SLC24A2: variants seen among roughly 807,000 people sequenced by gnomAD.
The protein encoded by SLC24A2 is sodium/potassium/calcium exchanger 2.
SLC24A2 carries 36 observed loss-of-function variants against 62.0 expected under a neutral mutation model. The ratio of observed to expected loss-of-function variants is 0.58; its 90% confidence interval spans 0.44 to 0.77. The LOEUF (loss-of-function observed/expected upper bound fraction) is 0.77, where lower values mean the gene tolerates loss of function less well. SLC24A2 is among the 30% of genes least tolerant of loss of function. The pLI, the probability that SLC24A2 is intolerant of heterozygous loss-of-function variation, is 0.00. For synonymous variants in SLC24A2, 358 were observed against 294.0 expected (o/e 1.22, Z -2.23); for missense variants, 846 against 817.9 (o/e 1.03, Z -0.42).
At chr9:19,883,722 T>C in the SLC24A2 span, among the ~76,000 whole-genome samples, 65 of 152,244 alleles carry the variant, frequency 4.3e-4, no homozygotes, top group East Asian at 1.2e-3. Flanking sequence ...CCCGCCACCA[T>C]GCCTGGCGAA....
chr9:20,076,144 G>A, the SLC24A2 span, among the ~76,000 whole-genome samples: 3 of 151,880 alleles, frequency 2.0e-5, no homozygotes, highest in Non-Finnish European at 2.9e-5. Context: ...TCACAGATGC[G>A]GAACCTATGG....
intron 6 of SLC24A2, among the ~76,000 whole-genome samples, chr9:19,574,205 A>G (rs1478538832): frequency 6.6e-6 from 1 of 152,244 alleles, no homozygotes; most frequent in Non-Finnish European, 1.5e-5. Context: ...AATACAACTT[A>G]GCACACTCCA....
chr9:19,613,374 C>A (rs570621240), intron 4 of SLC24A2, among the ~76,000 whole-genome samples: 289 of 152,306 alleles, frequency 1.9e-3, no homozygotes, highest in Middle Eastern at 0.01. Context: ...GCTTTAGAAG[C>A]AGTTCAAGAC....
chr9:19,563,735 G>A (rs1398013939), intron 7 of SLC24A2, among the ~76,000 whole-genome samples: 1 of 122,726 alleles, frequency 8.1e-6, no homozygotes, highest in Non-Finnish European at 1.6e-5. Context: ...CAAAACTGTT[G>A]GTTTTTATAA....
At chr9:20,191,178 A>C in the SLC24A2 span, among the ~76,000 whole-genome samples, 1 of 148,692 alleles carries the variant, frequency 6.7e-6, no homozygotes, top group African/African-American at 2.5e-5. Flanking sequence ...TTTTTTTTGC[A>C]GGACAGACAA....
At chr9:19,787,045 A>G in intron 1 of SLC24A2, 26 bp from the exon 2 acceptor site, 1 of 1,361,552 alleles carries the variant, frequency 7.3e-7, no homozygotes, top group Non-Finnish European at 9.5e-7. Context: ...AAACGAGAAT[A>G]AGTAAATCAT....
chr9:20,032,391 T>C, the SLC24A2 span, among the ~76,000 whole-genome samples: 1 of 145,352 alleles, frequency 6.9e-6, no homozygotes, highest in Non-Finnish European at 1.5e-5. Flanking sequence ...GGTTAAATAA[T>C]GAATTATTAA....
the SLC24A2 span, among the ~76,000 whole-genome samples, chr9:19,817,944 G>A: frequency 2.0e-5 from 3 of 151,946 alleles, no homozygotes; most frequent in Non-Finnish European, 4.4e-5. Context: ...TACCCAGGCT[G>A]GTCTTGAACT....
the SLC24A2 span, among the ~76,000 whole-genome samples, chr9:19,805,563 A>C: frequency 1.3e-5 from 2 of 152,114 alleles, no homozygotes; most frequent in African/African-American, 4.8e-5. Context: ...ATGGCCCCAA[A>C]CCTTTGAATA....
At chr9:19,643,870 T>G (rs2118101390) in intron 2 of SLC24A2, among the ~76,000 whole-genome samples, 1 of 152,358 alleles carries the variant, frequency 6.6e-6, no homozygotes, top group East Asian at 1.9e-4. Context: ...AATCCACAGA[T>G]TCAATAGAAT....
chr9:20,194,762 T>C, the SLC24A2 span, among the ~76,000 whole-genome samples: 185 of 152,232 alleles, frequency 1.2e-3, 1 homozygote, highest in African/African-American at 4.3e-3. Flanking sequence ...TCCACATTTC[T>C]ATTTGATTAT....
chr9:20,141,478 T>C, the SLC24A2 span, among the ~76,000 whole-genome samples: 1 of 152,110 alleles, frequency 6.6e-6, no homozygotes, highest in African/African-American at 2.4e-5. Context: ...TGGTCTCATA[T>C]TTCACTTCTG....
chr9:19,951,034 T>C, the SLC24A2 span, among the ~76,000 whole-genome samples: 1 of 152,216 alleles, frequency 6.6e-6, no homozygotes, highest in Non-Finnish European at 1.5e-5. Context: ...TTAAGTTCTC[T>C]GGATGATCTT....
chr9:20,092,902 G>T, the SLC24A2 span, among the ~76,000 whole-genome samples: 4 of 152,152 alleles, frequency 2.6e-5, no homozygotes, highest in Non-Finnish European at 4.4e-5. Context: ...GGTTGCCAGG[G>T]ACTGGGTGGT....
At chr9:20,074,605 A>AAGGAAGGAAGGAAGGAAGGAAG in the SLC24A2 span, among the ~76,000 whole-genome samples, 17 of 52,970 alleles carry the variant, frequency 3.2e-4, no homozygotes, top group Middle Eastern at 0.011. Context: ...AAGGAAGGAA[A>AAGGAAGGAAGGAAGGAAGGAAG]GAAGGGAGTG....
intron 2 of SLC24A2, among the ~76,000 whole-genome samples, chr9:19,664,878 G>GGCT (rs577373526): frequency 6.4e-4 from 97 of 152,306 alleles, no homozygotes; most frequent in African/African-American, 2.3e-3. Flanking sequence ...GAGTGAGCAT[G>GGCT]GCTCTGCCAA....
chr9:19,775,922 G>A (rs562700304), intron 2 of SLC24A2, among the ~76,000 whole-genome samples: 74 of 152,294 alleles, frequency 4.9e-4, no homozygotes, highest in African/African-American at 1.4e-3. Context: ...AGAAAAAAAC[G>A]TTCTTAACAT....
chr9:20,275,896 C>T, the SLC24A2 span, among the ~76,000 whole-genome samples: 2 of 152,102 alleles, frequency 1.3e-5, no homozygotes, highest in African/African-American at 2.4e-5. Context: ...TCTCAGGTCT[C>T]GCGAGACTTA....
At chr9:19,791,749 A>G (rs886841938), upstream of SLC24A2, among the ~76,000 whole-genome samples, 40 of 152,346 alleles carry the variant, frequency 2.6e-4, no homozygotes, top group African/African-American at 7.7e-4. Flanking sequence ...GAGAAAATTT[A>G]CTACCATCAA....
Sources: gnomAD v4.1 joint callset for allele counts (sites outside exome capture counted in the v4.1 genomes callset) on GRCh38, gnomAD v4.1.1 for gene constraint, MANE v1.5 for transcripts, NCBI Gene and HGNC (gene_info 2026-07-23, HGNC 2026-07-21) for gene names.